Variants in SH3BP5 observed in about 807,000 individuals in gnomAD.
SH3BP5 encodes the protein SH3 domain binding protein 5.
Under a neutral mutation model 43.3 loss-of-function variants are expected in SH3BP5, and 22 were observed. The observed-to-expected ratio is 0.51, with a 90% CI of 0.36 to 0.73. The LOEUF is 0.73. Ranked by LOEUF, SH3BP5 falls within the 30% of genes least tolerant of loss-of-function variation. The pLI, the probability that SH3BP5 is intolerant of heterozygous loss-of-function variation, is 0.00. For missense variants in SH3BP5, 529 were observed against 586.9 expected, an observed-to-expected ratio of 0.90 and a Z score of 1.02; for synonymous variants, 255 against 225.8, an observed-to-expected ratio of 1.13 and a Z score of -1.16.
intron 3 of SH3BP5, among the ~76,000 whole-genome samples, chr3:15,301,059 C>A (rs1399011338): frequency 6.6e-6 from 1 of 152,146 alleles, no homozygotes; most frequent in Non-Finnish European, 1.5e-5. Flanking sequence ...AGCCTCCCAG[C>A]CAGCTCCCTC....
intron 2 of SH3BP5, among the ~76,000 whole-genome samples, chr3:15,326,648 C>T (rs1237061312): frequency 1.3e-5 from 2 of 152,194 alleles, no homozygotes; most frequent in Admixed American, 6.5e-5. Context: ...GTTCATTCAC[C>T]GACATACACA....
upstream of SH3BP5, among the ~76,000 whole-genome samples, chr3:15,336,062 A>T (rs1450786085): frequency 6.6e-6 from 1 of 152,216 alleles, no homozygotes; most frequent in East Asian, 1.9e-4. Flanking sequence ...TGGACCCAGG[A>T]GGCAGAGGTT....
intron 4 of SH3BP5, among the ~76,000 whole-genome samples, chr3:15,266,209 C>G (rs1459442150): frequency 6.6e-6 from 1 of 152,216 alleles, no homozygotes; most frequent in African/African-American, 2.4e-5. Context: ...ATTCTTACTG[C>G]GTCCTTGGGC....
intron 3 of SH3BP5, among the ~76,000 whole-genome samples, chr3:15,298,416 T>C (rs916224016): frequency 1.3e-5 from 2 of 152,224 alleles, no homozygotes; most frequent in Non-Finnish European, 2.9e-5. Flanking sequence ...AGGTTATATG[T>C]AAGACATGGC....
intron 2 of SH3BP5, among the ~76,000 whole-genome samples, chr3:15,316,004 C>G (rs1559455223): frequency 6.6e-6 from 1 of 152,090 alleles, no homozygotes; most frequent in Non-Finnish European, 1.5e-5. Flanking sequence ...ATCTGGTCTA[C>G]AACTTTCTCC....
chr3:15,294,632 C>T (rs1035865423), intron 3 of SH3BP5, among the ~76,000 whole-genome samples: 1 of 152,100 alleles, frequency 6.6e-6, no homozygotes, highest in Non-Finnish European at 1.5e-5. Flanking sequence ...CTCATTCGTA[C>T]TATAAGGCCA....
intron 2 of SH3BP5, among the ~76,000 whole-genome samples, chr3:15,308,016 T>A (rs1354058709): frequency 6.6e-6 from 1 of 151,802 alleles, no homozygotes; most frequent in Non-Finnish European, 1.5e-5. Flanking sequence ...AAAAATGAAT[T>A]CTCAAACTTT....
chr3:15,276,588 G>A (rs1288608117), intron 3 of SH3BP5, among the ~76,000 whole-genome samples: 1 of 152,136 alleles, frequency 6.6e-6, no homozygotes, highest in African/African-American at 2.4e-5. Context: ...CCTCCTGCCT[G>A]CGGCTCCCGT....
intron 7 of SH3BP5, among the ~76,000 whole-genome samples, chr3:15,258,346 T>G (rs1023301465): frequency 2.0e-5 from 3 of 152,102 alleles, no homozygotes; most frequent in Non-Finnish European, 4.4e-5. Flanking sequence ...GCTGAGTGCT[T>G]CTTGGGTGTC....
At chr3:15,314,876 T>C (rs2125125912) in intron 2 of SH3BP5, among the ~76,000 whole-genome samples, 2 of 152,246 alleles carry the variant, frequency 1.3e-5, no homozygotes, top group East Asian at 3.9e-4. Flanking sequence ...TAGGGGCCCC[T>C]CAGAGTGTCA....
chr3:15,276,666 T>C (rs1696979856), intron 3 of SH3BP5, among the ~76,000 whole-genome samples: 1 of 152,174 alleles, frequency 6.6e-6, no homozygotes, highest in Admixed American at 6.6e-5. Flanking sequence ...AGGAGGTGGC[T>C]GCCCAAAGTC....
At position 15,308,165 on chromosome 3, in the gene SH3BP5, A is replaced by T. The variant is rs182137814; in HGVS notation, c.202-3934T>A. Among the ~76,000 whole-genome samples, 3 of 152,212 alleles carry T rather than the reference A, an allele frequency of 2.0e-5. No individual in the cohort carries two copies. In the East Asian group the frequency reaches 5.8e-4, roughly 29 times the overall value. On this transcript the variant is annotated intron_variant, in intron 2 of 8. Transcript: ENST00000383791. ...CCTGCCCAGCCGCTAAAGATATCTGATTTGCTGAGAGCTCTCTGGGGCACT... is the reference window on the plus strand; with the variant it reads ...CCTGCCCAGCCGCTAAAGATATCTGTTTTGCTGAGAGCTCTCTGGGGCACT...
At chr3:15,277,910 T>A (rs1209181492) in intron 3 of SH3BP5, among the ~76,000 whole-genome samples, 1 of 152,174 alleles carries the variant, frequency 6.6e-6, no homozygotes, top group Non-Finnish European at 1.5e-5. Context: ...ATGCCCCACT[T>A]TCTTCTAGAG....
intron 3 of SH3BP5, among the ~76,000 whole-genome samples, chr3:15,303,529 C>T (rs1405791614): frequency 3.9e-5 from 6 of 152,106 alleles, no homozygotes; most frequent in African/African-American, 1.2e-4. Flanking sequence ...CCCCAGCAAT[C>T]GCCTGATCAC....
intron 2 of SH3BP5, among the ~76,000 whole-genome samples, chr3:15,325,207 C>T (rs1191840909): frequency 6.6e-6 from 1 of 152,214 alleles, no homozygotes; most frequent in African/African-American, 2.4e-5. Context: ...TCTGTTTTAA[C>T]AAACATTTGA....
At chr3:15,310,638 A>G (rs1575337484) in intron 2 of SH3BP5, among the ~76,000 whole-genome samples, 4 of 152,292 alleles carry the variant, frequency 2.6e-5, no homozygotes, top group Admixed American at 2.0e-4. Context: ...ACCAGTCAAG[A>G]AAAAGAATCC....
chr3:15,262,963 A>G (rs1456211467), intron 4 of SH3BP5, among the ~76,000 whole-genome samples: 1 of 152,178 alleles, frequency 6.6e-6, no homozygotes, highest in East Asian at 1.9e-4. Context: ...ATCTCAAAAT[A>G]TATATGTATA....
rs1697833630 is a variant in SH3BP5, at chr3:15,304,225, G to A, written c.208C>T (p.Arg70Cys). ...ACCAGAACAGAGCGGAACTTCTGAC[G>A]AGCATCCTGCAGCCAGGGGAAACCG... ...NRRETELEDA[R>C]QKFRSVLVEA... The change falls in exon 3 of 9, where the codon CGT becomes TGT. Residue 70 changes from arginine to cysteine, a missense_variant. Arg to Cys is a radical substitution (Grantham distance 180, BLOSUM62 -3). This residue lies in a region of SH3BP5 where 85 missense variants were observed against 140.8 expected (regional missense o/e 0.60). Coordinates refer to ENST00000383791, the MANE Select transcript of SH3BP5 (RefSeq NM_004844.5). 7.4e-6 allele frequency: 12 copies of A among 1,613,982 alleles called. No individual in the cohort carries two copies. The highest frequency in any genetic ancestry group is 1.6e-4 in the Middle Eastern group (1 of 6,084).
At chr3:15,335,367 G>A (rs1175593619), upstream of SH3BP5, among the ~76,000 whole-genome samples, 1 of 149,696 alleles carries the variant, frequency 6.7e-6, no homozygotes, top group Admixed American at 6.7e-5. Flanking sequence ...GACAGAGTAG[G>A]ACTTTCTCTC....
Sources: allele counts gnomAD v4.1 joint callset (sites outside exome capture counted in the v4.1 genomes callset), GRCh38; gene constraint gnomAD v4.1.1; regional missense constraint gnomAD v4.1.1; transcripts MANE v1.5; gene names NCBI Gene and HGNC (gene_info 2026-07-23, HGNC 2026-07-21).